STK32A: variants seen among roughly 807,000 people sequenced by gnomAD.
STK32A encodes the protein serine/threonine kinase 32A.
In STK32A, 41 loss-of-function variants were observed where a neutral mutation model predicts 53.2. That is an observed-to-expected ratio of 0.77 (90% CI 0.60 to 1.00). STK32A has a LOEUF of 1.00. Among genes scored for constraint, STK32A ranks in the 50% least tolerant of loss-of-function variants. STK32A has a pLI of 0.00. For missense variants in STK32A, 458 were observed against 485.8 expected (o/e 0.94, Z 0.54); for synonymous variants, 166 against 162.8 (o/e 1.02, Z -0.15).
Position 147,373,233 on chromosome 5 carries a change from T to C in STK32A, c.842T>C (p.Met281Thr). 6.2e-7 allele frequency: 1 copy of C among 1,613,556 alleles called. No individual in the cohort carries two copies. The highest frequency in any genetic ancestry group is 8.5e-7 in the Non-Finnish European group (1 of 1,179,606). ...QLSDVQNFPY[M>T]NDINWDAVFQ... ...TCTGATGTCCAGAACTTCCCGTATA[T>C]GAATGATATAAACTGGGATGCAGTT... The change falls in exon 10 of 13, where the codon ATG becomes ACG. Residue 281 changes from methionine (M) to threonine (T), a missense_variant. Transcript: ENST00000397936.
At chr5:147,360,143 C>T (rs369914708) in intron 7 of STK32A, among the ~76,000 whole-genome samples, 2 of 152,096 alleles carry the variant, frequency 1.3e-5, no homozygotes, top group African/African-American at 4.8e-5. Flanking sequence ...CTGTTAATTT[C>T]TAACTCTATA....
At chr5:147,361,652 G>A (rs1368449235) in intron 8 of STK32A, 38 bp downstream of exon 8, 1 of 1,412,192 alleles carries the variant, frequency 7.1e-7, no homozygotes, top group Non-Finnish European at 9.9e-7. Context: ...TATTTTTCCA[G>A]CAAGTTCTAT....
At chr5:147,395,836 T>A in the STK32A span, 2 of 1,218,316 alleles carry the variant, frequency 1.6e-6, no homozygotes, top group Non-Finnish European at 2.3e-6. Flanking sequence ...GAATTAACAA[T>A]AATAAAGATA....
In STK32A at chr5:147,266,123, G is replaced by C. The variant is rs772440005; in HGVS notation, c.53-12001G>C. Among the ~76,000 whole-genome samples, 3 of 152,222 alleles carry C rather than the reference G, an allele frequency of 2.0e-5. No homozygotes were observed. The East Asian group carries it at 5.8e-4, about 29-fold the overall frequency. On this transcript the variant is annotated intron_variant, in intron 2 of 12. Coordinates refer to ENST00000397936, the MANE Select transcript of STK32A (RefSeq NM_001112724.2). ...TTTATTTCTGTTCAAAGATCATGCA[G>C]CCCTGACAAAGCAAATACCCTCTGA...
At chr5:147,381,417 C>T (rs112993521) in intron 11 of STK32A, among the ~76,000 whole-genome samples, 7,429 of 152,046 alleles carry the variant, frequency 0.049, 651 homozygotes, top group African/African-American at 0.17. Context: ...CTGAGGCAGG[C>T]GGATCACTTG....
chr5:147,376,735 A>G (rs1054515436), intron 11 of STK32A, among the ~76,000 whole-genome samples: 3 of 152,050 alleles, frequency 2.0e-5, no homozygotes, highest in African/African-American at 7.2e-5. Context: ...CCCTGTTCCT[A>G]GAATGGTCTT....
intron 4 of STK32A, among the ~76,000 whole-genome samples, chr5:147,302,778 T>A (rs970173507): frequency 6.6e-6 from 1 of 152,190 alleles, no homozygotes; most frequent in African/African-American, 2.4e-5. Context: ...AGGGCTTAAC[T>A]TCCCCCTTGT....
chr5:147,315,046 G>A (rs1359930396), intron 4 of STK32A, among the ~76,000 whole-genome samples: 2 of 152,124 alleles, frequency 1.3e-5, no homozygotes, highest in Non-Finnish European at 2.9e-5. Context: ...CACTGGGCCA[G>A]TACTATTCTT....
chr5:147,397,584 G>A, the STK32A span: 1 of 1,428,084 alleles, frequency 7.0e-7, no homozygotes, highest in Non-Finnish European at 9.6e-7. Flanking sequence ...AGATCACAGT[G>A]CCCTGTGTTC....
Position 147,286,699 on chromosome 5 carries a change from T to C in STK32A, c.260+7301T>C, listed in dbSNP as rs2151958787. 1.3e-5 allele frequency among the ~76,000 whole-genome samples: 2 copies of C among 152,330 alleles called. 1 individual carries two copies. The highest frequency in any genetic ancestry group is 4.1e-4 in the South Asian group (2 of 4,830). The stretch of plus-strand genomic sequence containing the variant: ...CATTAGGATCTTCCTCAGGGTCTTT[T>C]GTTCTCCTTAGTTTCTTTGGCTTTA... On this transcript the variant is annotated intron_variant, in intron 4 of 12. Coordinates refer to ENST00000397936, the MANE Select transcript of STK32A (RefSeq NM_001112724.2).
chr5:147,336,231 A>C (rs115997711), intron 5 of STK32A, among the ~76,000 whole-genome samples: 83 of 152,284 alleles, frequency 5.5e-4, no homozygotes, highest in African/African-American at 2.0e-3. Flanking sequence ...TTTAATCAGC[A>C]TACACTGGTC....
intron 5 of STK32A, 44 bp downstream of exon 5, chr5:147,324,115 G>A (rs762455209): frequency 2.6e-6 from 4 of 1,523,694 alleles, no homozygotes; most frequent in South Asian, 2.5e-5. Context: ...AACGCAAGGA[G>A]AGAATCCACA....
chr5:147,255,012 C>T (rs1204228544), intron 2 of STK32A, among the ~76,000 whole-genome samples: 2 of 152,060 alleles, frequency 1.3e-5, no homozygotes, highest in African/African-American at 4.8e-5. Flanking sequence ...TGGTGGCAGG[C>T]ACCTGTAGTC....
At chr5:147,401,758 C>CTATT in the STK32A span, 1 of 1,590,548 alleles carries the variant, frequency 6.3e-7, no homozygotes, top group African/African-American at 1.3e-5. Flanking sequence ...TGGGCCAAGC[C>CTATT]TATTTAATTT....
At chr5:147,308,148 A>G (rs1447999886) in intron 4 of STK32A, among the ~76,000 whole-genome samples, 1 of 144,226 alleles carries the variant, frequency 6.9e-6, no homozygotes, top group Non-Finnish European at 1.5e-5. Context: ...TTATATATAT[A>G]TATATATATA....
intron 7 of STK32A, among the ~76,000 whole-genome samples, chr5:147,352,349 G>A (rs943755694): frequency 2.0e-5 from 3 of 152,188 alleles, no homozygotes; most frequent in African/African-American, 7.2e-5. Context: ...CATTTACTAA[G>A]GGGTGACCAA....
chr5:147,297,616 T>A (rs1198586204), intron 4 of STK32A, among the ~76,000 whole-genome samples: 1 of 152,146 alleles, frequency 6.6e-6, no homozygotes, highest in Non-Finnish European at 1.5e-5. Flanking sequence ...TGTTAATATT[T>A]CAAAGATATG....
chr5:147,289,872 C>G (rs1752520669), intron 4 of STK32A, among the ~76,000 whole-genome samples: 1 of 151,994 alleles, frequency 6.6e-6, no homozygotes, highest in South Asian at 2.1e-4. Context: ...CTTCTTTCAC[C>G]TATATGTTTA....
intron 4 of STK32A, among the ~76,000 whole-genome samples, chr5:147,308,097 C>T (rs1295147967): frequency 1.3e-5 from 2 of 151,358 alleles, no homozygotes; most frequent in Non-Finnish European, 2.9e-5. Flanking sequence ...TCAGGGATAA[C>T]TAACATCTTT....
Sources: allele counts gnomAD v4.1 joint callset (sites outside exome capture counted in the v4.1 genomes callset), GRCh38; gene constraint gnomAD v4.1.1; transcripts MANE v1.5; gene names NCBI Gene and HGNC (gene_info 2026-07-23, HGNC 2026-07-21).